The following CORO2B variants were observed in gnomAD, a reference collection of about 807,000 sequenced individuals.
CORO2B encodes coronin 2B.
In CORO2B, 26 loss-of-function variants were observed where a neutral mutation model predicts 58.8. That is an observed-to-expected ratio of 0.44 (90% CI 0.32 to 0.61). The LOEUF (loss-of-function observed/expected upper bound fraction) is 0.61. CORO2B is among the 20% of genes least tolerant of loss of function. The pLI is 0.04. For synonymous variants in CORO2B, 242 were observed against 253.8 expected (o/e 0.95, Z 0.44); for missense variants, 460 against 645.1 (o/e 0.71, Z 3.11).
At chr15:68,681,191 C>T (rs1902767171) in intron 2 of CORO2B, among the ~76,000 whole-genome samples, 5 of 151,060 alleles carry the variant, frequency 3.3e-5, no homozygotes, top group African/African-American at 7.3e-5. Context: ...CTAGCCTGGG[C>T]GAGAGAGCAA....
At chr15:68,668,334 A>G (rs1902264809) in intron 2 of CORO2B, among the ~76,000 whole-genome samples, 1 of 152,054 alleles carries the variant, frequency 6.6e-6, no homozygotes, top group Admixed American at 6.6e-5. Flanking sequence ...GACAACACAG[A>G]CAAGGTCCCT....
intron 3 of CORO2B, among the ~76,000 whole-genome samples, chr15:68,703,211 C>G (rs1389734021): frequency 1.4e-5 from 2 of 144,124 alleles, no homozygotes; most frequent in African/African-American, 5.2e-5. Flanking sequence ...CATGCAGTGG[C>G]GCGATCTCAG....
chr15:68,556,271 T>C, the CORO2B span, among the ~76,000 whole-genome samples: 18 of 152,284 alleles, frequency 1.2e-4, no homozygotes, highest in African/African-American at 4.1e-4. Context: ...AGCCCACGCC[T>C]CTTGGAGCAC....
chr15:68,701,711 C>T (rs1892655933), intron 3 of CORO2B, among the ~76,000 whole-genome samples: 1 of 151,982 alleles, frequency 6.6e-6, no homozygotes, highest in South Asian at 2.1e-4. Flanking sequence ...ATCTCAATCT[C>T]CTGACCTCGT....
intron 1 of CORO2B, chr15:68,632,378 A>C: frequency 1.0e-6 from 1 of 985,474 alleles, no homozygotes; most frequent in Non-Finnish European, 1.2e-6. Flanking sequence ...AGCTCGGTCC[A>C]GTAGAGTTGT....
chr15:68,719,246 G>T lies in CORO2B; in HGVS notation c.1171+12G>T. ...AGGCATCAACCGAGGTACCACAGCG[G>T]GGGGCTCCACAGAGCACAGGCGGCT... On this transcript the variant is annotated intron_variant, in intron 10 of 11. Transcript: ENST00000261861. 1 of 1,613,142 alleles carries T rather than the reference G, an allele frequency of 6.2e-7. No individual in the cohort carries two copies. Among genetic ancestry groups the T allele is most frequent in the Non-Finnish European group, 8.5e-7 (1 of 1,179,284 alleles).
At position 68,685,922 on chromosome 15, in the gene CORO2B, A is replaced by G. The variant is rs576275734; in HGVS notation, c.217-9218A>G. Among the ~76,000 whole-genome samples the G allele has an allele frequency of 9.9e-5, 15 of 151,606 alleles. 1 individual carries two copies. In the East Asian group the frequency reaches 1.8e-3, roughly 18 times the overall value. On this transcript the variant is annotated intron_variant, in intron 2 of 11. Transcript: ENST00000261861. Reference sequence around the variant, plus strand: ...GAGACAGGGTGAGAAAAAGAGTAGGAAGGGAGGGTCTCCAAGAACAAATCT... The same window carrying G: ...GAGACAGGGTGAGAAAAAGAGTAGGGAGGGAGGGTCTCCAAGAACAAATCT...
Position 68,727,253 on chromosome 15 carries a change from G to C in CORO2B, c.*1279G>C, listed in dbSNP as rs932141605. The stretch of plus-strand genomic sequence containing the variant: ...CACATAGGATCTCATGGAGCCTCAC[G>C]TCTACTCCCTTCTGCAGATGAGGAA... On this transcript the variant is annotated 3_prime_UTR_variant, in exon 12 of 12. Coordinates refer to ENST00000261861, the MANE Select transcript of CORO2B (RefSeq NM_006091.5). The C allele has an allele frequency of 6.6e-6, 1 of 152,612 alleles. No individual in the cohort carries two copies. Among genetic ancestry groups the C allele is most frequent in the Non-Finnish European group, 1.5e-5 (1 of 68,050 alleles). The allele number at this position is 152,612 out of a possible 1,614,324, so 9.5% of individuals were successfully genotyped here.
chr15:68,601,214 A>G (rs1899972921), intron 1 of CORO2B, among the ~76,000 whole-genome samples: 1 of 152,188 alleles, frequency 6.6e-6, no homozygotes, highest in Non-Finnish European at 1.5e-5. Context: ...TTTCTTGAAC[A>G]TTTCTTGGCT....
intron 1 of CORO2B, among the ~76,000 whole-genome samples, chr15:68,593,519 C>G (rs1595956761): frequency 6.6e-6 from 1 of 152,166 alleles, no homozygotes; most frequent in Non-Finnish European, 1.5e-5. Context: ...CAATCTGGAG[C>G]CTCGTTCTCT....
chr15:68,574,987 T>C (rs1899252772), upstream of CORO2B, among the ~76,000 whole-genome samples: 3 of 152,198 alleles, frequency 2.0e-5, no homozygotes, highest in Admixed American at 6.5e-5. Context: ...CCCCACAATG[T>C]GTACCGTATC....
At chr15:68,576,843 C>T (rs1899297511), upstream of CORO2B, among the ~76,000 whole-genome samples, 2 of 152,082 alleles carry the variant, frequency 1.3e-5, no homozygotes, top group South Asian at 4.1e-4. Context: ...TAAATATTTG[C>T]TAAGCTCCTA....
chr15:68,620,834 G>T (rs1435041959), intron 1 of CORO2B, among the ~76,000 whole-genome samples: 1 of 152,232 alleles, frequency 6.6e-6, no homozygotes, highest in African/African-American at 2.4e-5. Context: ...CCCACTGTGC[G>T]TGTCAGGCAG....
chr15:68,594,751 T>G (rs981158038), intron 1 of CORO2B, among the ~76,000 whole-genome samples: 15 of 152,182 alleles, frequency 9.9e-5, no homozygotes, highest in African/African-American at 3.1e-4. Flanking sequence ...GCCTGTGTGC[T>G]TGCAGAAGGA....
chr15:68,539,708 A>G, the CORO2B span, among the ~76,000 whole-genome samples: 2 of 152,198 alleles, frequency 1.3e-5, no homozygotes, highest in Admixed American at 6.5e-5. Context: ...ATAGAAAAAC[A>G]GAACATTTTG....
intron 11 of CORO2B, among the ~76,000 whole-genome samples, chr15:68,723,214 C>T (rs549044450): frequency 2.0e-5 from 3 of 148,994 alleles, no homozygotes; most frequent in South Asian, 2.2e-4. Flanking sequence ...CTCCACCTCC[C>T]GGGTTCAAGC....
At chr15:68,721,134 G>A (rs112259028) in intron 11 of CORO2B, among the ~76,000 whole-genome samples, 22 of 151,646 alleles carry the variant, frequency 1.5e-4, no homozygotes, top group African/African-American at 5.1e-4. Context: ...CACCTGCCTC[G>A]GCCTCCCAAA....
intron 1 of CORO2B, among the ~76,000 whole-genome samples, chr15:68,619,532 G>T (rs1379509439): frequency 6.6e-6 from 1 of 152,106 alleles, no homozygotes; most frequent in African/African-American, 2.4e-5. Context: ...GACTGTTGGA[G>T]CTGGAAATGT....
At chr15:68,627,011 A>G (rs1422125522) in intron 1 of CORO2B, among the ~76,000 whole-genome samples, 1 of 152,218 alleles carries the variant, frequency 6.6e-6, no homozygotes, top group African/African-American at 2.4e-5. Flanking sequence ...TTCAGCTCCC[A>G]GTCCCACCAC....
Sources: gnomAD v4.1 joint callset for allele counts (sites outside exome capture counted in the v4.1 genomes callset) on GRCh38, gnomAD v4.1.1 for gene constraint, MANE v1.5 for transcripts, NCBI Gene and HGNC (gene_info 2026-07-23, HGNC 2026-07-21) for gene names.